Variants in ELOC observed in about 807,000 individuals in gnomAD.
ELOC encodes elongin C.
For synonymous variants in ELOC, 40 were observed against 51.3 expected, an observed-to-expected ratio of 0.78 and a Z score of 0.94; for missense variants, 38 against 139.0, an observed-to-expected ratio of 0.27 and a Z score of 3.65.
chr8:73,968,341 C>G (rs1815129440), intron 1 of ELOC, among the ~76,000 whole-genome samples: 1 of 152,164 alleles, frequency 6.6e-6, no homozygotes, highest in Non-Finnish European at 1.5e-5. Flanking sequence ...GTTTATTACC[C>G]AGAGTCGCCC....
At chr8:73,971,773 G>A in intron 1 of ELOC, 1 of 152,234 alleles carries the variant, frequency 6.6e-6, no homozygotes, top group East Asian at 1.9e-4. Context: ...AAAGCGACAG[G>A]GCTACCATGC....
chr8:73,954,664 A>G (rs1363105550), intron 3 of ELOC, among the ~76,000 whole-genome samples: 4 of 151,374 alleles, frequency 2.6e-5, no homozygotes, highest in Non-Finnish European at 2.9e-5. Flanking sequence ...AAAAAAAAAA[A>G]AAAGAATAGA....
At chr8:73,950,007 T>TG (rs1189443298) in intron 3 of ELOC, among the ~76,000 whole-genome samples, 1 of 151,632 alleles carries the variant, frequency 6.6e-6, no homozygotes, top group African/African-American at 2.4e-5. Context: ...ATATGAGGAG[T>TG]GGGGGGTACA....
At chr8:73,957,866 C>T (rs912017002) in intron 2 of ELOC, among the ~76,000 whole-genome samples, 3 of 152,156 alleles carry the variant, frequency 2.0e-5, no homozygotes, top group African/African-American at 7.2e-5. Context: ...GCAACTTCCA[C>T]CTCCCAGGTT....
chr8:73,946,674 T>C lies in ELOC; in HGVS notation c.295A>G (p.Ile99Val). 6.2e-7 allele frequency: 1 copy of C among 1,611,206 alleles called. No individual in the cohort carries two copies. The highest frequency in any genetic ancestry group is 8.5e-7 in the Non-Finnish European group (1 of 1,178,964). ...EIPEFPIAPE[I>V]ALELLMAANF... is the part of the protein sequence containing the mutation. ...GCAGCCATCAGCAGTTCCAGTGCAA[T>C]TTCAGGTGCAATTGGGAATTCAGGA... The change falls in exon 4 of 4, where the codon ATT (isoleucine) becomes GTT (valine). Residue 99 changes from isoleucine to valine, a missense_variant. Ile to Val is a conservative substitution (Grantham distance 29, BLOSUM62 3). Transcript: ENST00000520242.
In ELOC at chr8:73,946,330, T is replaced by C; in HGVS notation, c.*300A>G. 4.2e-6 allele frequency: 1 copy of C among 236,292 alleles called. No homozygotes were observed. The highest frequency in any genetic ancestry group is 5.0e-5 in the Admixed American group (1 of 19,996). 14.6% of individuals were successfully genotyped at this position (236,292 alleles called of 1,614,324 possible). ...AGAACGTATTGATTTACACCTAAAT[T>C]TCAGTATTTACTATATCATCATTGC... On this transcript the variant is annotated 3_prime_UTR_variant, in exon 4 of 4. Transcript: ENST00000520242.
chr8:73,966,274 T>C (rs554685837), intron 1 of ELOC, among the ~76,000 whole-genome samples: 3 of 152,162 alleles, frequency 2.0e-5, no homozygotes, highest in African/African-American at 7.2e-5. Context: ...AACAGAGATC[T>C]GAAGAAAGCA....
intron 3 of ELOC, 103 bp from the exon 4 acceptor site, chr8:73,946,923 G>C: frequency 1.1e-6 from 1 of 931,620 alleles, no homozygotes; most frequent in South Asian, 1.9e-5. Context: ...GCTGTATTTA[G>C]AGATAAGTTC....
chr8:73,969,727 T>C (rs1389634338), intron 1 of ELOC: 2 of 151,956 alleles, frequency 1.3e-5, no homozygotes, highest in African/African-American at 4.8e-5. Flanking sequence ...CCTTGCTATA[T>C]TTTTTTCACA....
intron 1 of ELOC, among the ~76,000 whole-genome samples, chr8:73,966,487 T>C (rs1232679973): frequency 1.6e-5 from 2 of 123,010 alleles, no homozygotes; most frequent in Non-Finnish European, 3.1e-5. Context: ...AAGCCATGGG[T>C]CTTTTTTTTT....
intron 2 of ELOC, among the ~76,000 whole-genome samples, chr8:73,957,956 T>C (rs1814313539): frequency 6.6e-6 from 1 of 152,070 alleles, no homozygotes; most frequent in Non-Finnish European, 1.5e-5. Flanking sequence ...TTTTTGTATT[T>C]AGTAGAGATG....
At chr8:73,959,848 T>A in intron 1 of ELOC, 30 bp from the exon 2 acceptor site, 1 of 1,236,940 alleles carries the variant, frequency 8.1e-7, no homozygotes, top group Non-Finnish European at 1.1e-6. Context: ...ATATTAAGAT[T>A]AATGTTGCAA....
At chr8:73,955,280 C>A (rs1814084317) in intron 3 of ELOC, among the ~76,000 whole-genome samples, 1 of 152,016 alleles carries the variant, frequency 6.6e-6, no homozygotes, top group Non-Finnish European at 1.5e-5. Flanking sequence ...ACCAGCCTGG[C>A]CAACATGGTG....
Position 73,946,834 on chromosome 8 carries a change from G to T in ELOC, c.149-14C>A. On this transcript the variant is annotated splice_polypyrimidine_tract_variant and intron_variant, in intron 3 of 3. Transcript: ENST00000520242. ...CAGCAAACTGACCTGTAAAACAAAAGAATTATGTATGTTATTGGCTGAATT... is the reference window on the plus strand; with the variant it reads ...CAGCAAACTGACCTGTAAAACAAAATAATTATGTATGTTATTGGCTGAATT... 1 of 1,600,408 alleles carries T rather than the reference G, an allele frequency of 6.2e-7. No individual in the cohort carries two copies. Among genetic ancestry groups the T allele is most frequent in the Non-Finnish European group, 8.5e-7 (1 of 1,171,014 alleles).
At chr8:73,958,058 G>A (rs1183549190) in intron 2 of ELOC, among the ~76,000 whole-genome samples, 1 of 151,378 alleles carries the variant, frequency 6.6e-6, no homozygotes, top group Non-Finnish European at 1.5e-5. Context: ...TTACAGGCAT[G>A]AGCCGCTGCA....
chr8:73,960,087 T>C (rs1034897895), intron 1 of ELOC, among the ~76,000 whole-genome samples: 2 of 152,172 alleles, frequency 1.3e-5, no homozygotes, highest in Non-Finnish European at 2.9e-5. Flanking sequence ...ATAAATTGAT[T>C]GGGGGTGGGG....
At chr8:73,966,110 CAATA>C (rs1482399024) in intron 1 of ELOC, among the ~76,000 whole-genome samples, 7 of 152,212 alleles carry the variant, frequency 4.6e-5, no homozygotes, top group African/African-American at 1.7e-4. Flanking sequence ...TTCATTCATT[CAATA>C]AATATTTACC....
At chr8:73,954,469 C>A (rs982886439) in intron 3 of ELOC, among the ~76,000 whole-genome samples, 1 of 151,334 alleles carries the variant, frequency 6.6e-6, no homozygotes, top group Non-Finnish European at 1.5e-5. Context: ...TCCTGGCTAA[C>A]ACGGTGAAAC....
At chr8:73,949,325 T>C (rs1434778948) in intron 3 of ELOC, among the ~76,000 whole-genome samples, 1 of 152,202 alleles carries the variant, frequency 6.6e-6, no homozygotes, top group Non-Finnish European at 1.5e-5. Context: ...CTTAAATACA[T>C]GCCTGAAAAT....
Sources: gnomAD v4.1 joint callset for allele counts (sites outside exome capture counted in the v4.1 genomes callset) on GRCh38, gnomAD v4.1.1 for gene constraint, MANE v1.5 for transcripts, NCBI Gene and HGNC (gene_info 2026-07-23, HGNC 2026-07-21) for gene names.